The following RAB3GAP2 variants were observed in gnomAD, a reference collection of about 807,000 sequenced individuals.
RAB3GAP2 encodes rab3 GTPase-activating protein non-catalytic subunit.
Under a neutral mutation model 185.3 loss-of-function variants are expected in RAB3GAP2, and 87 were observed. The ratio of observed to expected loss-of-function variants is 0.47; its 90% CI spans 0.39 to 0.56. RAB3GAP2 has a LOEUF of 0.56. Among genes scored for constraint, RAB3GAP2 ranks in the 20% least tolerant of loss-of-function variants. The pLI is 0.00. For missense variants in RAB3GAP2, 1,492 were observed against 1,638.2 expected (o/e 0.91, Z 1.54); for synonymous variants, 554 against 576.1 (o/e 0.96, Z 0.55).
At position 220,192,999 on chromosome 1, in the gene RAB3GAP2, G is replaced by A. The variant is rs12144630; in HGVS notation, c.1270+241C>T. 4.1e-3 allele frequency among the ~76,000 whole-genome samples: 624 copies of A among 152,298 alleles called. No individual in the cohort carries two copies. Among genetic ancestry groups the A allele is most frequent in the Non-Finnish European group, 6.4e-3 (433 of 68,024 alleles). On this transcript the variant is annotated intron_variant, in intron 13 of 34. Coordinates refer to ENST00000358951, the MANE Select transcript of RAB3GAP2 (RefSeq NM_012414.4). ...ACTCAGAAATTGACAATAACAGTGA[G>A]AATTGAAAGAAAGTGCAAAAGGCAA...
intron 1 of RAB3GAP2, among the ~76,000 whole-genome samples, chr1:220,250,849 A>G (rs1659918928): frequency 6.6e-6 from 1 of 152,184 alleles, no homozygotes; most frequent in Admixed American, 6.5e-5. Flanking sequence ...GTGAAGAAGA[A>G]TGTGTTTGCT....
intron 10 of RAB3GAP2, 126 bp from the exon 11 acceptor site, chr1:220,195,503 T>C (rs554099010): frequency 1.2e-6 from 1 of 855,670 alleles, no homozygotes; most frequent in Non-Finnish European, 2.0e-6. Context: ...ACTCAGCTTC[T>C]TTCAGAGTAC....
Position 220,195,333 on chromosome 1 carries a change from T to C in RAB3GAP2, c.1005A>G (p.Ala335=). 6.2e-7 allele frequency: 1 copy of C among 1,613,258 alleles called. No individual in the cohort carries two copies. ...TAAATAAAGCAGAAGTGAGTTTACT[T>C]GCAACTGCTAGTGCAACATGGGATA... ...PLLSHVALAV[A]SKLTSALFNA... The change falls in exon 11 of 35, where the codon GCA becomes GCG. Residue 335 remains alanine (A), a synonymous_variant. Coordinates refer to ENST00000358951, the MANE Select transcript of RAB3GAP2 (RefSeq NM_012414.4).
At chr1:220,170,847 AAC>A in intron 24 of RAB3GAP2, 43 bp downstream of exon 24, 1 of 1,485,810 alleles carries the variant, frequency 6.7e-7, no homozygotes, top group Non-Finnish European at 9.4e-7. Flanking sequence ...AAACCCTCGT[AAC>A]ATAAAAAAAT....
chr1:220,220,266 A>G (rs543763932), intron 2 of RAB3GAP2: 1 of 152,392 alleles, frequency 6.6e-6, no homozygotes, highest in Admixed American at 6.5e-5. Context: ...TCTGAGAGCC[A>G]GCCCGTCCCT....
rs1257423860 is a variant in RAB3GAP2, at chr1:220,248,469, T to C, written c.116-15606A>G. 3.3e-5 allele frequency among the ~76,000 whole-genome samples: 5 copies of C among 152,318 alleles called. No homozygotes were observed. In the East Asian group the frequency reaches 5.8e-4, roughly 18 times the overall value. ...ACACCTTAAATATGTACCATTTTTA[T>C]TTGTTGATTATACTTCAATAAAGCT... On this transcript the variant is annotated intron_variant, in intron 1 of 34. Transcript: ENST00000358951.
intron 1 of RAB3GAP2, among the ~76,000 whole-genome samples, chr1:220,238,944 T>G (rs752069120): frequency 3.9e-5 from 6 of 152,206 alleles, no homozygotes; most frequent in Non-Finnish European, 5.9e-5. Flanking sequence ...CCTGTGTATG[T>G]GCACACACAT....
intron 4 of RAB3GAP2, among the ~76,000 whole-genome samples, chr1:220,212,451 C>G (rs1371713117): frequency 6.6e-6 from 1 of 152,018 alleles, no homozygotes; most frequent in Non-Finnish European, 1.5e-5. Context: ...GATACATATA[C>G]ATTTACTAAA....
rs748785353 is a variant in RAB3GAP2 at position 220,195,060 on chromosome 1, G to A, written c.1130+18C>T. 8 of 1,611,336 alleles carry A rather than the reference G, an allele frequency of 5.0e-6. No homozygotes were observed. In the East Asian group the frequency reaches 1.8e-4, roughly 36 times the overall value. On this transcript the variant is annotated intron_variant, in intron 12 of 34. Coordinates refer to ENST00000358951, the MANE Select transcript of RAB3GAP2 (RefSeq NM_012414.4). ...CCTTTCTAAAAGGACTAAAATTTGGGAAGCATGACAGACTTGCCTTACAGC... is the reference window on the plus strand; with the variant it reads ...CCTTTCTAAAAGGACTAAAATTTGGAAAGCATGACAGACTTGCCTTACAGC...
chr1:220,267,534 C>T, intron 1 of RAB3GAP2: 1 of 1,365,368 alleles, frequency 7.3e-7, no homozygotes, highest in Non-Finnish European at 1.0e-6. Context: ...CTTCCAAAGC[C>T]CATTGCCTCT....
At position 220,149,257 on chromosome 1, in the gene RAB3GAP2, A is replaced by ACAAAT. The variant is rs1183283844; in HGVS notation, c.*1989_*1993dup. On this transcript the variant is annotated 3_prime_UTR_variant, in exon 35 of 35. Transcript: ENST00000358951. ...AAATTCTATGAAAAATTTTAGGATA[A>ACAAAT]CAAATCTAACTAGAGACTTAATGAT... The ACAAAT allele has an allele frequency of 6.6e-6, 1 of 152,184 alleles. No homozygotes were observed. Among genetic ancestry groups the ACAAAT allele is most frequent in the African/African-American group, 2.4e-5 (1 of 41,450 alleles). 9.4% of individuals were successfully genotyped at this position (152,184 alleles called of 1,614,324 possible).
chr1:220,194,921 T>C (rs562612436), intron 12 of RAB3GAP2, among the ~76,000 whole-genome samples, 157 bp downstream of exon 12: 1 of 152,358 alleles, frequency 6.6e-6, no homozygotes, highest in South Asian at 2.1e-4. Flanking sequence ...ACTCTTCACA[T>C]GGAGTTTTAC....
In RAB3GAP2 at chr1:220,153,255, C is replaced by T. The variant is rs373515509; in HGVS notation, c.3797G>A (p.Ser1266Asn). Residue 1266 changes from serine (S) to asparagine (N), a missense_variant, in exon 33 of 35, where the codon AGT becomes AAT. Ser to Asn is a conservative substitution (Grantham distance 46). This residue lies in a region of RAB3GAP2 where 387 missense variants were observed against 455.3 expected (regional missense o/e 0.85). Coordinates refer to ENST00000358951, the MANE Select transcript of RAB3GAP2 (RefSeq NM_012414.4). ...AVDLAHHLQV[S>N]EDVVRRHYVG... is the part of the protein sequence containing the mutation. ...ATAATGCCTTCTAACAACATCTTCA[C>T]TAACTTGAAGGTGATGGGCTAAATC... 4 of 1,614,016 alleles carry T rather than the reference C, an allele frequency of 2.5e-6. No homozygotes were observed. The African/African-American group carries it at 5.3e-5, about 22-fold the overall frequency.
At chr1:220,179,108 G>T (rs559334835) in intron 21 of RAB3GAP2, among the ~76,000 whole-genome samples, 53 of 152,028 alleles carry the variant, frequency 3.5e-4, no homozygotes, top group Non-Finnish European at 5.0e-4. Context: ...AGACAGAATA[G>T]ACTTTAAGTT....
Position 220,198,102 on chromosome 1 carries a change from T to C in RAB3GAP2, c.812-1704A>G, listed in dbSNP as rs543276279. Reference sequence around the variant, plus strand: ...GGATCACTTCCCTTTCCATCCAGCTTAGCTTTGTGTTCCATCATCATCACT... The same window carrying C: ...GGATCACTTCCCTTTCCATCCAGCTCAGCTTTGTGTTCCATCATCATCACT... On this transcript the variant is annotated intron_variant, in intron 9 of 34. Transcript: ENST00000358951. Among the ~76,000 whole-genome samples, 3 of 152,258 alleles carry C rather than the reference T, an allele frequency of 2.0e-5. No homozygotes were observed. In the South Asian group the frequency reaches 6.2e-4, roughly 32 times the overall value.
intron 22 of RAB3GAP2, 128 bp downstream of exon 22, chr1:220,172,507 AAG>A: frequency 1.5e-6 from 1 of 663,912 alleles, no homozygotes; most frequent in Admixed American, 2.8e-5. Context: ...TAATACATAA[AAG>A]AATCTCTACG....
chr1:220,152,234 C>T (rs1370252252), intron 33 of RAB3GAP2, among the ~76,000 whole-genome samples: 1 of 152,198 alleles, frequency 6.6e-6, no homozygotes, highest in African/African-American at 2.4e-5. Context: ...TGCCACCACG[C>T]CCAGCTAATT....
chr1:220,243,424 C>T (rs1440929091), intron 1 of RAB3GAP2, among the ~76,000 whole-genome samples: 3 of 151,604 alleles, frequency 2.0e-5, no homozygotes, highest in Non-Finnish European at 1.5e-5. Flanking sequence ...CTAAGCACAA[C>T]AGCTTTCCCT....
chr1:220,251,829 G>A (rs765744131), intron 1 of RAB3GAP2, among the ~76,000 whole-genome samples: 25 of 152,166 alleles, frequency 1.6e-4, no homozygotes, highest in Admixed American at 3.9e-4. Flanking sequence ...GCCTAGTGGA[G>A]TCTTCAGTGT....
Sources: allele counts gnomAD v4.1 joint callset (sites outside exome capture counted in the v4.1 genomes callset), GRCh38; gene constraint gnomAD v4.1.1; regional missense constraint gnomAD v4.1.1; transcripts MANE v1.5; gene names NCBI Gene and HGNC (gene_info 2026-07-23, HGNC 2026-07-21).